The following NME7 variants were observed in gnomAD, a reference collection of about 807,000 sequenced individuals.
The protein encoded by NME7 is NME/NM23 family member 7.
A neutral mutation model predicts 49.1 loss-of-function variants in NME7; 41 were observed. The observed-to-expected ratio is 0.83, with a 90% CI of 0.65 to 1.08. The LOEUF (loss-of-function observed/expected upper bound fraction) is 1.08, where lower values mean the gene tolerates loss of function less well. Ranked by LOEUF, NME7 falls within the 50% of genes least tolerant of loss-of-function variation. The pLI, the probability that NME7 is intolerant of heterozygous loss-of-function variation, is 0.00. For synonymous variants in NME7, 139 were observed against 150.6 expected, an observed-to-expected ratio of 0.92 and a Z score of 0.56; for missense variants, 423 against 463.4, an observed-to-expected ratio of 0.91 and a Z score of 0.80.
chr1:169,178,204 G>A (rs1659817576), intron 10 of NME7, among the ~76,000 whole-genome samples: 1 of 152,106 alleles, frequency 6.6e-6, no homozygotes, highest in Admixed American at 6.5e-5. Flanking sequence ...AGATGTGATC[G>A]ATTCTACAGA....
At chr1:169,336,197 T>C (rs12032783) in intron 1 of NME7, among the ~76,000 whole-genome samples, 15,621 of 151,960 alleles carry the variant, frequency 0.1, 850 homozygotes, top group Admixed American at 0.12. Context: ...GCTCGTGGTC[T>C]CGCTGGGCTC....
At chr1:169,268,548 C>G (rs1446960586) in intron 7 of NME7, among the ~76,000 whole-genome samples, 1 of 133,328 alleles carries the variant, frequency 7.5e-6, no homozygotes. Flanking sequence ...ATGCCCATCA[C>G]TGGTAGACTG....
intron 9 of NME7, among the ~76,000 whole-genome samples, chr1:169,233,852 C>T (rs57913822): frequency 0.07 from 10,653 of 152,148 alleles, 1,483 homozygotes; most frequent in East Asian, 0.66. Flanking sequence ...TTTCCAAAAA[C>T]AGAAGAGTAA....
chr1:169,367,430 CATA>C (rs758418760), intron 1 of NME7, among the ~76,000 whole-genome samples: 3 of 152,200 alleles, frequency 2.0e-5, no homozygotes, highest in Non-Finnish European at 4.4e-5. Context: ...AATGCAAACA[CATA>C]ATGTTTGTTC....
At chr1:169,178,970 G>C (rs945271897) in intron 10 of NME7, among the ~76,000 whole-genome samples, 1 of 151,978 alleles carries the variant, frequency 6.6e-6, no homozygotes, top group African/African-American at 2.4e-5. Flanking sequence ...ACAGGCATGT[G>C]CCACCACACC....
chr1:169,132,845 A>C, intron 11 of NME7, 28 bp from the exon 12 acceptor site: 1 of 1,611,046 alleles, frequency 6.2e-7, no homozygotes, highest in East Asian at 2.2e-5. Flanking sequence ...ATAATTTCTT[A>C]GTTCAGACAA....
intron 10 of NME7, among the ~76,000 whole-genome samples, chr1:169,170,336 G>A (rs996870666): frequency 1.3e-5 from 2 of 152,184 alleles, no homozygotes; most frequent in African/African-American, 4.8e-5. Context: ...CTCTATGAAA[G>A]TGGAAATCAG....
chr1:169,134,157 C>G (rs1420947040), intron 11 of NME7, among the ~76,000 whole-genome samples: 3 of 152,176 alleles, frequency 2.0e-5, no homozygotes, highest in Non-Finnish European at 4.4e-5. Context: ...CAACAGATAC[C>G]TACCATATGC....
chr1:169,176,582 A>G (rs1273566237), intron 10 of NME7, among the ~76,000 whole-genome samples: 1 of 152,108 alleles, frequency 6.6e-6, no homozygotes, highest in Non-Finnish European at 1.5e-5. Context: ...TGTCTTTTTC[A>G]TTAGGTTTCA....
chr1:169,163,935 C>A (rs946588416), intron 11 of NME7, among the ~76,000 whole-genome samples: 5 of 151,870 alleles, frequency 3.3e-5, no homozygotes, highest in Non-Finnish European at 5.9e-5. Flanking sequence ...ATGGCAAAAC[C>A]CTGTCTCTAC....
intron 5 of NME7, among the ~76,000 whole-genome samples, chr1:169,299,160 G>A (rs1267640816): frequency 6.6e-6 from 1 of 152,044 alleles, no homozygotes; most frequent in Admixed American, 6.6e-5. Context: ...AGGGATGGAT[G>A]CCTTGTAACA....
chr1:169,278,361 T>C (rs1232907998), intron 7 of NME7, among the ~76,000 whole-genome samples: 2 of 152,152 alleles, frequency 1.3e-5, no homozygotes, highest in Non-Finnish European at 2.9e-5. Flanking sequence ...CATAGTCCCA[T>C]ATTTCTTGGA....
intron 7 of NME7, among the ~76,000 whole-genome samples, chr1:169,269,380 C>CA: frequency 7.5e-6 from 1 of 133,990 alleles, no homozygotes; most frequent in South Asian, 2.3e-4. Context: ...AAAATGGTGA[C>CA]ATTCTAAGCA....
Position 169,132,564 on chromosome 1 carries a change from T to C in NME7, c.*221A>G, listed in dbSNP as rs1310494861. 4.6e-6 allele frequency: 2 copies of C among 432,696 alleles called. No homozygotes were observed. Among genetic ancestry groups the C allele is most frequent in the African/African-American group, 4.1e-5 (2 of 48,874 alleles). 26.8% of individuals were successfully genotyped at this position (432,696 alleles called of 1,614,324 possible). On this transcript the variant is annotated 3_prime_UTR_variant, in exon 12 of 12. Transcript: ENST00000367811. ...AAATAAATCTTTATTTTGAACTTTA[T>C]AAAAAGCAATGCAGTACCCCATAGA...
intron 1 of NME7, among the ~76,000 whole-genome samples, chr1:169,348,003 T>G (rs1234760600): frequency 6.6e-6 from 1 of 152,210 alleles, no homozygotes; most frequent in African/African-American, 2.4e-5. Context: ...CTGCATTAGC[T>G]ACAGTTGGCT....
At chr1:169,198,890 C>T (rs911654323) in intron 10 of NME7, among the ~76,000 whole-genome samples, 2 of 152,096 alleles carry the variant, frequency 1.3e-5, no homozygotes, top group African/African-American at 4.8e-5. Flanking sequence ...AGACCTTGCT[C>T]AATTTTTACA....
intron 10 of NME7, among the ~76,000 whole-genome samples, chr1:169,228,189 G>A (rs1246027032): frequency 2.0e-5 from 3 of 152,042 alleles, no homozygotes; most frequent in East Asian, 3.9e-4. Context: ...GATTACAGGT[G>A]TGTGCTACCA....
chr1:169,297,879 G>C (rs1438828567), intron 6 of NME7, among the ~76,000 whole-genome samples: 20 of 152,204 alleles, frequency 1.3e-4, no homozygotes, highest in Admixed American at 1.3e-3. Flanking sequence ...ACAATGATCA[G>C]ATTCAGGGTT....
In NME7 at chr1:169,316,936, A is replaced by G. The variant is rs540628156; in HGVS notation, c.278+6181T>C. Reference sequence around the variant, plus strand: ...CTTCAATAGAAAACCATATAATAGAAAAAAAAAACTGAAGAGAGGAAGAAA... The same window carrying G: ...CTTCAATAGAAAACCATATAATAGAGAAAAAAAACTGAAGAGAGGAAGAAA... On this transcript the variant is annotated intron_variant, in intron 3 of 11. Transcript: ENST00000367811. 4.5e-3 allele frequency among the ~76,000 whole-genome samples: 299 copies of G among 66,632 alleles called. 2 individuals carry two copies. The highest frequency in any genetic ancestry group is 7.0e-3 in the Non-Finnish European group (150 of 21,582). The allele number at this position is 66,632 out of a possible 152,430, so 43.7% of individuals were successfully genotyped here.
Sources: allele counts gnomAD v4.1 joint callset (sites outside exome capture counted in the v4.1 genomes callset), GRCh38; gene constraint gnomAD v4.1.1; transcripts MANE v1.5; gene names NCBI Gene and HGNC (gene_info 2026-07-23, HGNC 2026-07-21).